DDX10: variants seen among roughly 807,000 people sequenced by gnomAD.
The protein encoded by DDX10 is probable ATP-dependent RNA helicase DDX10.
DDX10 carries 74 observed loss-of-function variants against 104.3 expected under a neutral mutation model. That is an observed-to-expected ratio of 0.71 (90% confidence interval 0.59 to 0.86). The LOEUF (loss-of-function observed/expected upper bound fraction) is 0.86, where lower values mean the gene tolerates loss of function less well. DDX10 is among the 40% of genes least tolerant of loss of function. The probability of loss-of-function intolerance (pLI) is 0.00; values close to 1 mark genes in which losing one functional copy is unlikely to be tolerated. For missense variants in DDX10, 952 were observed against 1,040.0 expected (o/e 0.92, Z 1.16); for synonymous variants, 351 against 353.4 (o/e 0.99, Z 0.08).
At chr11:108,675,572 T>C in intron 2 of DDX10, 24 bp from the exon 3 acceptor site, 2 of 1,611,068 alleles carry the variant, frequency 1.2e-6, no homozygotes, top group South Asian at 1.1e-5. Flanking sequence ...TTCTAAAGTA[T>C]AATTCTTCCC....
At chr11:108,907,179 G>A (rs769475805) in intron 16 of DDX10, among the ~76,000 whole-genome samples, 1 of 148,936 alleles carries the variant, frequency 6.7e-6, no homozygotes, top group Non-Finnish European at 1.5e-5. Flanking sequence ...CATTGTTTTG[G>A]AATGATGAGG....
At chr11:108,912,674 A>G (rs757940656) in intron 16 of DDX10, among the ~76,000 whole-genome samples, 4 of 152,172 alleles carry the variant, frequency 2.6e-5, no homozygotes, top group Non-Finnish European at 1.5e-5. Context: ...CTACAAAGAT[A>G]AAAAAGCTAC....
chr11:108,868,071 C>G (rs947596441), intron 16 of DDX10, among the ~76,000 whole-genome samples: 1 of 152,036 alleles, frequency 6.6e-6, no homozygotes, highest in African/African-American at 2.4e-5. Flanking sequence ...TTTCTTTTGC[C>G]TGCAGTTCTT....
intron 16 of DDX10, among the ~76,000 whole-genome samples, chr11:108,907,582 A>C (rs1054803057): frequency 6.6e-6 from 1 of 151,964 alleles, no homozygotes; most frequent in African/African-American, 2.4e-5. Flanking sequence ...TCATCCCCTC[A>C]AATTTCTACA....
At chr11:108,846,750 C>T (rs1862723389) in intron 15 of DDX10, among the ~76,000 whole-genome samples, 1 of 152,156 alleles carries the variant, frequency 6.6e-6, no homozygotes, top group Non-Finnish European at 1.5e-5. Flanking sequence ...GTGCAGACAT[C>T]TATTTGACAT....
chr11:108,743,900 A>G (rs931273746), intron 13 of DDX10, among the ~76,000 whole-genome samples: 1 of 152,234 alleles, frequency 6.6e-6, no homozygotes, highest in Non-Finnish European at 1.5e-5. Flanking sequence ...GAGAAGCAAT[A>G]TAAAAACTGC....
intron 13 of DDX10, among the ~76,000 whole-genome samples, chr11:108,734,862 G>T (rs2094316502): frequency 6.6e-6 from 1 of 152,170 alleles, no homozygotes; most frequent in South Asian, 2.1e-4. Context: ...ATAAACAAGT[G>T]CTTGTTTATA....
chr11:108,747,853 C>G (rs904783164), intron 13 of DDX10, among the ~76,000 whole-genome samples: 1 of 152,012 alleles, frequency 6.6e-6, no homozygotes, highest in African/African-American at 2.4e-5. Flanking sequence ...TGAAGTTGTT[C>G]TTGTTAGTAC....
chr11:108,887,849 A>G (rs1863319773), intron 16 of DDX10, among the ~76,000 whole-genome samples: 1 of 152,168 alleles, frequency 6.6e-6, no homozygotes. Context: ...AAACCTGGGC[A>G]GTAGAGATTG....
intron 12 of DDX10, among the ~76,000 whole-genome samples, chr11:108,720,236 T>C (rs2094296637): frequency 6.6e-6 from 1 of 152,240 alleles, no homozygotes; most frequent in Non-Finnish European, 1.5e-5. Context: ...AGTTTATTAT[T>C]TGTAAGTATA....
At chr11:108,939,265 C>T (rs1864074079) in intron 17 of DDX10, among the ~76,000 whole-genome samples, 1 of 152,176 alleles carries the variant, frequency 6.6e-6, no homozygotes, top group Non-Finnish European at 1.5e-5. Flanking sequence ...CTTTCAAAAG[C>T]TTGCCTTTGG....
chr11:108,887,094 G>C (rs1863305591), intron 16 of DDX10, among the ~76,000 whole-genome samples: 1 of 152,070 alleles, frequency 6.6e-6, no homozygotes, highest in Non-Finnish European at 1.5e-5. Context: ...TTATTTCCAT[G>C]TTGTAGAGTT....
intron 17 of DDX10, among the ~76,000 whole-genome samples, chr11:108,938,617 C>T (rs1324008895): frequency 6.6e-6 from 1 of 152,092 alleles, no homozygotes; most frequent in Non-Finnish European, 1.5e-5. Flanking sequence ...TATTTTAATT[C>T]TTTGCTGACT....
At chr11:108,741,180 AG>A (rs536337769) in intron 13 of DDX10, among the ~76,000 whole-genome samples, 277 of 152,232 alleles carry the variant, frequency 1.8e-3, no homozygotes, top group African/African-American at 6.1e-3. Context: ...TTTTGGTACT[AG>A]TACCATGCTG....
chr11:108,882,854 A>G (rs1863245765), intron 16 of DDX10, among the ~76,000 whole-genome samples: 1 of 152,198 alleles, frequency 6.6e-6, no homozygotes, highest in Non-Finnish European at 1.5e-5. Flanking sequence ...CAATGATATG[A>G]CCTTGAGCAA....
At chr11:108,939,336 G>A (rs1312976439) in intron 17 of DDX10, among the ~76,000 whole-genome samples, 1 of 152,118 alleles carries the variant, frequency 6.6e-6, no homozygotes, top group Non-Finnish European at 1.5e-5. Context: ...CTTGGTCCAG[G>A]CATTTAACCT....
intron 15 of DDX10, among the ~76,000 whole-genome samples, chr11:108,847,672 T>G (rs141454425): frequency 6.8e-4 from 104 of 152,294 alleles, no homozygotes; most frequent in African/African-American, 2.3e-3. Context: ...AACCATAAAT[T>G]TTTGTGATAG....
At chr11:108,899,252 G>T (rs548304746) in intron 16 of DDX10, among the ~76,000 whole-genome samples, 1 of 147,562 alleles carries the variant, frequency 6.8e-6, no homozygotes, top group African/African-American at 2.5e-5. Context: ...CCAACCCCCC[G>T]TGTTAAGTTA....
intron 16 of DDX10, among the ~76,000 whole-genome samples, chr11:108,864,311 G>A (rs1276461088): frequency 6.6e-6 from 1 of 151,986 alleles, no homozygotes; most frequent in Non-Finnish European, 1.5e-5. Flanking sequence ...CAGAATCATT[G>A]GGGTAGGGGA....
Sources: gnomAD v4.1 joint callset for allele counts (sites outside exome capture counted in the v4.1 genomes callset) on GRCh38, gnomAD v4.1.1 for gene constraint, MANE v1.5 for transcripts, NCBI Gene and HGNC (gene_info 2026-07-23, HGNC 2026-07-21) for gene names.